ANAPC16: variants seen among roughly 807,000 people sequenced by gnomAD.
ANAPC16 encodes the protein anaphase-promoting complex subunit 16.
In ANAPC16, 6 loss-of-function variants were observed where a neutral mutation model predicts 13.1. The observed-to-expected ratio is 0.46, with a 90% confidence interval of 0.25 to 0.90. The LOEUF is 0.90. Ranked by LOEUF, ANAPC16 falls within the 40% of genes least tolerant of loss-of-function variation. The probability of loss-of-function intolerance (pLI) is 0.18; values close to 1 mark genes in which losing one functional copy is unlikely to be tolerated. For missense variants in ANAPC16, 113 were observed against 131.1 expected, an observed-to-expected ratio of 0.86 and a Z score of 0.67; for synonymous variants, 55 against 51.3, an observed-to-expected ratio of 1.07 and a Z score of -0.31.
At chr10:72,232,622 T>C (rs1046034261) in intron 3 of ANAPC16, among the ~76,000 whole-genome samples, 3 of 150,494 alleles carry the variant, frequency 2.0e-5, no homozygotes, top group African/African-American at 7.3e-5. Context: ...TTTTTTTTTT[T>C]GAGACGGATT....
intron 1 of ANAPC16, chr10:72,216,942 A>G (rs1332993300): frequency 6.6e-6 from 3 of 456,150 alleles, no homozygotes; most frequent in African/African-American, 6.0e-5. Flanking sequence ...GATCTGCACA[A>G]TGAGAAAGAA....
chr10:72,227,316 A>G (rs1256911100), intron 2 of ANAPC16, among the ~76,000 whole-genome samples: 5 of 152,206 alleles, frequency 3.3e-5, no homozygotes, highest in Non-Finnish European at 7.3e-5. Flanking sequence ...CTAACGAGTT[A>G]TAGATCTATC....
intron 2 of ANAPC16, 138 bp downstream of exon 2, chr10:72,224,194 T>C: frequency 1.9e-6 from 2 of 1,043,736 alleles, no homozygotes; most frequent in Non-Finnish European, 1.3e-6. Context: ...CATCTCAAAA[T>C]AGTATCTTTA....
intron 3 of ANAPC16, among the ~76,000 whole-genome samples, chr10:72,231,235 T>C (rs965861162): frequency 6.6e-6 from 1 of 152,054 alleles, no homozygotes; most frequent in African/African-American, 2.4e-5. Flanking sequence ...GAGTACTTTT[T>C]TTAGGAACAG....
intron 2 of ANAPC16, among the ~76,000 whole-genome samples, chr10:72,224,423 G>C (rs1005496985): frequency 2.0e-5 from 3 of 152,010 alleles, no homozygotes; most frequent in African/African-American, 7.3e-5. Flanking sequence ...GAGCAGCCTG[G>C]CCAACATGGT....
chr10:72,223,089 T>TG (rs1860003137), intron 1 of ANAPC16: 1 of 138,628 alleles, frequency 7.2e-6, no homozygotes, highest in East Asian at 2.0e-4. Flanking sequence ...TTAATTTTTT[T>TG]TTTTTTTTTT....
chr10:72,224,140 A>C, intron 2 of ANAPC16, 84 bp downstream of exon 2: 1 of 1,350,380 alleles, frequency 7.4e-7, no homozygotes, highest in Non-Finnish European at 9.8e-7. Flanking sequence ...TGGATTAAAG[A>C]TGAGTTTGCC....
At chr10:72,228,964 C>T (rs563805590) in intron 2 of ANAPC16, among the ~76,000 whole-genome samples, 71 of 152,300 alleles carry the variant, frequency 4.7e-4, no homozygotes, top group Middle Eastern at 3.4e-3. Context: ...CCTATAATTC[C>T]CACTGCCTTG....
At chr10:72,232,718 C>T (rs1860359230) in intron 3 of ANAPC16, among the ~76,000 whole-genome samples, 2 of 151,268 alleles carry the variant, frequency 1.3e-5, no homozygotes, top group Admixed American at 1.3e-4. Flanking sequence ...ATTCTCCTGC[C>T]TCAGCCTCCC....
intron 3 of ANAPC16, 90 bp from the exon 4 acceptor site, chr10:72,232,911 T>G (rs1860368180): frequency 9.2e-7 from 1 of 1,082,050 alleles, no homozygotes; most frequent in Non-Finnish European, 1.4e-6. Context: ...GCCTAGAAAT[T>G]ATTTTTATAC....
At chr10:72,216,871 A>C (rs187780900) in intron 1 of ANAPC16, 223 of 456,110 alleles carry the variant, frequency 4.9e-4, no homozygotes, top group African/African-American at 3.8e-3. Context: ...TGTTTGACAA[A>C]ATTTTACTGG....
At chr10:72,224,197 T>TA (rs376155077) in intron 2 of ANAPC16, 141 bp downstream of exon 2, 3 of 1,037,240 alleles carry the variant, frequency 2.9e-6, no homozygotes, top group African/African-American at 3.3e-5. Context: ...CTCAAAATAG[T>TA]ATCTTTAAAA....
rs538512519 is a variant in ANAPC16 at position 72,219,439 on chromosome 10, A to G, written c.-28+3301A>G. 2.0e-3 allele frequency among the ~76,000 whole-genome samples: 309 copies of G among 152,310 alleles called. 1 individual carries two copies. Among genetic ancestry groups the G allele is most frequent in the African/African-American group, 6.9e-3 (285 of 41,580 alleles). ...AAAAGAGGAAGAGTGATCTAATAAC[A>G]AGATTGAAAATGTCAGCTGAGCAGA... On this transcript the variant is annotated intron_variant, in intron 1 of 3. Coordinates refer to ENST00000299381, the MANE Select transcript of ANAPC16 (RefSeq NM_173473.4).
chr10:72,216,445 C>T, intron 1 of ANAPC16: 1 of 203,780 alleles, frequency 4.9e-6, no homozygotes, highest in Non-Finnish European at 1.0e-5. Flanking sequence ...CCTCTCTGGC[C>T]ACTTTTTCTC....
intron 3 of ANAPC16, 30 bp from the exon 4 acceptor site, chr10:72,232,971 G>C (rs1860370868): frequency 6.4e-7 from 1 of 1,569,932 alleles, no homozygotes. Flanking sequence ...ATACGTTGTT[G>C]CATAATATTC....
At chr10:72,231,411 G>A (rs995654838) in intron 3 of ANAPC16, among the ~76,000 whole-genome samples, 2 of 152,040 alleles carry the variant, frequency 1.3e-5, no homozygotes, top group Non-Finnish European at 2.9e-5. Context: ...GAATGGTGGT[G>A]CATGCCTGTG....
chr10:72,220,293 C>G (rs1360075892), intron 1 of ANAPC16: 1 of 144,384 alleles, frequency 6.9e-6, no homozygotes, highest in Admixed American at 6.9e-5. Flanking sequence ...CGCGCCATTT[C>G]CAGCCTGGGC....
intron 2 of ANAPC16, among the ~76,000 whole-genome samples, chr10:72,227,082 G>T (rs1200183427): frequency 6.6e-6 from 1 of 152,112 alleles, no homozygotes; most frequent in Non-Finnish European, 1.5e-5. Flanking sequence ...ATCAAAAATG[G>T]GAGACACTTA....
intron 2 of ANAPC16, among the ~76,000 whole-genome samples, chr10:72,226,628 G>A (rs1328953502): frequency 4.0e-5 from 6 of 151,188 alleles, no homozygotes; most frequent in Admixed American, 4.0e-4. Context: ...AGCTGTGATC[G>A]CATCACTGCA....
Sources: allele counts gnomAD v4.1 joint callset (sites outside exome capture counted in the v4.1 genomes callset), GRCh38; gene constraint gnomAD v4.1.1; transcripts MANE v1.5; gene names NCBI Gene and HGNC (gene_info 2026-07-23, HGNC 2026-07-21).